The following TAFA1 variants were observed in gnomAD, a reference collection of about 807,000 sequenced individuals.
The protein encoded by TAFA1 is chemokine-like protein TAFA-1.
Under a neutral mutation model 18.5 loss-of-function variants are expected in TAFA1, and 4 were observed. That is an observed-to-expected ratio of 0.22 (90% CI 0.11 to 0.49). The LOEUF (loss-of-function observed/expected upper bound fraction) is 0.49. TAFA1 is among the 20% of genes least tolerant of loss of function. The pLI is 0.98. For missense variants in TAFA1, 147 were observed against 169.0 expected, an observed-to-expected ratio of 0.87 and a Z score of 0.72; for synonymous variants, 56 against 55.2, an observed-to-expected ratio of 1.01 and a Z score of -0.06.
intron 2 of TAFA1, among the ~76,000 whole-genome samples, chr3:68,191,214 T>C (rs1052446681): frequency 6.6e-5 from 10 of 151,928 alleles, no homozygotes; most frequent in African/African-American, 2.4e-4. Flanking sequence ...ATAATATATA[T>C]TTTTTCTTTG....
intron 2 of TAFA1, among the ~76,000 whole-genome samples, chr3:68,415,084 G>C (rs1038059670): frequency 6.6e-6 from 1 of 152,144 alleles, no homozygotes; most frequent in Non-Finnish European, 1.5e-5. Flanking sequence ...TCCCAGTGTC[G>C]TGCATGGGGA....
At chr3:68,517,824 C>T (rs556215783) in intron 3 of TAFA1, among the ~76,000 whole-genome samples, 47 of 152,138 alleles carry the variant, frequency 3.1e-4, no homozygotes, top group Non-Finnish European at 6.0e-4. Context: ...ACAGCAATTG[C>T]ATTTGTATAA....
chr3:68,501,154 GAAAAAA>G (rs57247656), intron 3 of TAFA1, among the ~76,000 whole-genome samples: 1 of 91,634 alleles, frequency 1.1e-5, no homozygotes, highest in Admixed American at 1.3e-4. Context: ...GACCCTGTCT[GAAAAAA>G]AAAAAAAAAA....
chr3:68,348,080 T>A (rs978295655), intron 2 of TAFA1, among the ~76,000 whole-genome samples: 30 of 152,220 alleles, frequency 2.0e-4, no homozygotes, highest in African/African-American at 7.0e-4. Context: ...AAGCAGACAC[T>A]CCTCAAGGGG....
intron 2 of TAFA1, among the ~76,000 whole-genome samples, chr3:68,413,106 T>C (rs540481937): frequency 2.4e-4 from 36 of 152,320 alleles, no homozygotes; most frequent in African/African-American, 8.2e-4. Flanking sequence ...GTGTTTTTGA[T>C]TTGCATTTCT....
chr3:68,184,716 A>G (rs1037993884), intron 2 of TAFA1, among the ~76,000 whole-genome samples: 1 of 152,160 alleles, frequency 6.6e-6, no homozygotes, highest in Non-Finnish European at 1.5e-5. Context: ...CTACTCACTC[A>G]TGTGAAATTG....
At chr3:68,443,328 C>T (rs867608922) in intron 3 of TAFA1, among the ~76,000 whole-genome samples, 3 of 151,842 alleles carry the variant, frequency 2.0e-5, no homozygotes, top group Admixed American at 6.6e-5. Context: ...CCTACTTTTC[C>T]CAAAAAGAGA....
chr3:68,207,264 G>C (rs1224438660), intron 2 of TAFA1, among the ~76,000 whole-genome samples: 1 of 151,828 alleles, frequency 6.6e-6, no homozygotes, highest in Non-Finnish European at 1.5e-5. Flanking sequence ...TATTCTTGAA[G>C]CAGAGCCTCA....
chr3:68,263,558 A>T (rs1376045500), intron 2 of TAFA1, among the ~76,000 whole-genome samples: 1 of 151,788 alleles, frequency 6.6e-6, no homozygotes, highest in Non-Finnish European at 1.5e-5. Context: ...GGAAGGGGTG[A>T]TAGAGATTTC....
At chr3:68,109,001 A>T (rs2065235074) in intron 2 of TAFA1, among the ~76,000 whole-genome samples, 1 of 152,030 alleles carries the variant, frequency 6.6e-6, no homozygotes, top group Admixed American at 6.6e-5. Flanking sequence ...TTCTTCCATG[A>T]AAATACCTAC....
At chr3:68,276,944 T>G (rs540907931) in intron 2 of TAFA1, among the ~76,000 whole-genome samples, 1 of 152,260 alleles carries the variant, frequency 6.6e-6, no homozygotes, top group East Asian at 1.9e-4. Flanking sequence ...TTTTAAATAT[T>G]CAAAGAATAT....
chr3:68,395,504 CA>C (rs1483132883), intron 2 of TAFA1, among the ~76,000 whole-genome samples: 1 of 152,126 alleles, frequency 6.6e-6, no homozygotes, highest in African/African-American at 2.4e-5. Context: ...TGCACATGCA[CA>C]CATACGTTTA....
At chr3:68,099,206 A>C (rs181226890) in intron 2 of TAFA1, among the ~76,000 whole-genome samples, 7 of 152,326 alleles carry the variant, frequency 4.6e-5, no homozygotes, top group Admixed American at 4.6e-4. Flanking sequence ...AAATATCAAT[A>C]GAGTAAACAG....
chr3:68,194,507 C>T (rs549412000), intron 2 of TAFA1, among the ~76,000 whole-genome samples: 1 of 151,638 alleles, frequency 6.6e-6, no homozygotes, highest in Admixed American at 6.6e-5. Context: ...GCTATGCAAT[C>T]GTTATGAAAG....
intron 2 of TAFA1, among the ~76,000 whole-genome samples, chr3:68,228,699 T>C (rs972634407): frequency 6.6e-6 from 1 of 152,254 alleles, no homozygotes; most frequent in African/African-American, 2.4e-5. Context: ...GTTCTCAATA[T>C]ATGCAAGTTT....
At chr3:68,514,489 T>A (rs1005829908) in intron 3 of TAFA1, among the ~76,000 whole-genome samples, 1 of 152,170 alleles carries the variant, frequency 6.6e-6, no homozygotes, top group Admixed American at 6.5e-5. Context: ...TGGTTTAAAT[T>A]CTTTCAGGAG....
chr3:68,353,954 C>G (rs1410578257), intron 2 of TAFA1, among the ~76,000 whole-genome samples: 3 of 152,000 alleles, frequency 2.0e-5, no homozygotes. Flanking sequence ...TTTTTGATCT[C>G]TGGGCCTCCG....
chr3:68,469,329 T>A (rs1478917915), intron 3 of TAFA1, among the ~76,000 whole-genome samples: 1 of 152,120 alleles, frequency 6.6e-6, no homozygotes, highest in African/African-American at 2.4e-5. Context: ...GTATAATTCA[T>A]CTCCCATTTG....
chr3:68,399,617 A>T (rs1158899051), intron 2 of TAFA1, among the ~76,000 whole-genome samples: 1 of 152,136 alleles, frequency 6.6e-6, no homozygotes, highest in East Asian at 1.9e-4. Context: ...ATAAAATTCC[A>T]ATAATTTCAT....
Sources: gnomAD v4.1 joint callset for allele counts (sites outside exome capture counted in the v4.1 genomes callset) on GRCh38, gnomAD v4.1.1 for gene constraint, MANE v1.5 for transcripts, NCBI Gene and HGNC (gene_info 2026-07-23, HGNC 2026-07-21) for gene names.